SKAP1: variants seen among roughly 807,000 people sequenced by gnomAD.
The protein encoded by SKAP1 is src kinase associated phosphoprotein 1.
Under a neutral mutation model 58.5 loss-of-function variants are expected in SKAP1, and 44 were observed. The observed-to-expected ratio is 0.75, with a 90% CI of 0.59 to 0.97. The LOEUF is 0.97. Ranked by LOEUF, SKAP1 falls within the 50% of genes least tolerant of loss-of-function variation. The pLI is 0.00. For synonymous variants in SKAP1, 127 were observed against 149.7 expected, an observed-to-expected ratio of 0.85 and a Z score of 1.11; for missense variants, 390 against 435.2, an observed-to-expected ratio of 0.90 and a Z score of 0.92.
chr17:48,348,103 G>A (rs1674514226), intron 3 of SKAP1, among the ~76,000 whole-genome samples: 1 of 152,072 alleles, frequency 6.6e-6, no homozygotes, highest in Admixed American at 6.6e-5. Flanking sequence ...ACTTTGGGAG[G>A]CCAAGGCAGG....
intron 4 of SKAP1, among the ~76,000 whole-genome samples, chr17:48,288,813 G>A (rs1414603480): frequency 1.3e-5 from 2 of 152,174 alleles, no homozygotes; most frequent in Non-Finnish European, 2.9e-5. Context: ...CTGGGAAATA[G>A]CACAAAACAG....
chr17:48,157,944 G>A (rs1312284330), intron 11 of SKAP1, among the ~76,000 whole-genome samples: 7 of 151,166 alleles, frequency 4.6e-5, no homozygotes, highest in African/African-American at 7.3e-5. Flanking sequence ...TTAGGAGGCC[G>A]AGGTGGGTGG....
chr17:48,251,209 G>T (rs1030899868), intron 4 of SKAP1, among the ~76,000 whole-genome samples: 1 of 152,134 alleles, frequency 6.6e-6, no homozygotes, highest in African/African-American at 2.4e-5. Flanking sequence ...AAGTGAAAAC[G>T]GAATCTTCAC....
Position 48,401,031 on chromosome 17 carries a change from C to A in SKAP1, c.47-4246G>T, listed in dbSNP as rs1046199346. Among the ~76,000 whole-genome samples the A allele has an allele frequency of 2.0e-5, 3 of 152,076 alleles. No homozygotes were observed. The South Asian group carries it at 6.2e-4, about 31-fold the overall frequency. The stretch of plus-strand genomic sequence containing the variant: ...TTGAAAAAGAGAGACAATGGCCGGG[C>A]GTGTTGGCTCACACTCGTAATCCCA... On this transcript the variant is annotated intron_variant, in intron 1 of 12. Transcript: ENST00000336915.
intron 4 of SKAP1, among the ~76,000 whole-genome samples, chr17:48,238,173 T>C (rs1169043933): frequency 1.3e-5 from 2 of 152,052 alleles, no homozygotes; most frequent in Non-Finnish European, 2.9e-5. Flanking sequence ...TTTGTATTTT[T>C]AGTAGAGACA....
At chr17:48,312,748 A>G (rs1182232068) in intron 4 of SKAP1, among the ~76,000 whole-genome samples, 2 of 152,174 alleles carry the variant, frequency 1.3e-5, no homozygotes, top group Admixed American at 1.3e-4. Flanking sequence ...AGAGACCCCC[A>G]AACAACTTTC....
chr17:48,409,685 A>T (rs1428622717), intron 1 of SKAP1, among the ~76,000 whole-genome samples: 1 of 151,586 alleles, frequency 6.6e-6, no homozygotes, highest in Non-Finnish European at 1.5e-5. Context: ...AAAAAAAAAA[A>T]AGGAATGAAC....
intron 4 of SKAP1, among the ~76,000 whole-genome samples, chr17:48,263,560 CA>C (rs1236164334): frequency 6.6e-6 from 1 of 152,160 alleles, no homozygotes; most frequent in Non-Finnish European, 1.5e-5. Flanking sequence ...ATCTTCTATT[CA>C]GGGCAGACAC....
At chr17:48,238,853 C>T (rs928945169) in intron 4 of SKAP1, among the ~76,000 whole-genome samples, 10 of 151,948 alleles carry the variant, frequency 6.6e-5, no homozygotes, top group African/African-American at 2.4e-4. Flanking sequence ...AGTGAACTGG[C>T]GAAATGTTTG....
intron 7 of SKAP1, 46 bp downstream of exon 7, chr17:48,184,677 A>T: frequency 6.2e-7 from 1 of 1,613,232 alleles, no homozygotes; most frequent in Admixed American, 1.7e-5. Context: ...ATACAGAAGG[A>T]AACTGCAACA....
intron 4 of SKAP1, among the ~76,000 whole-genome samples, chr17:48,266,277 A>G (rs2065548275): frequency 6.6e-6 from 1 of 152,302 alleles, no homozygotes; most frequent in Non-Finnish European, 1.5e-5. Context: ...CATCCTGCAT[A>G]TTTCTAGTTC....
chr17:48,254,323 T>C (rs2065399357), intron 4 of SKAP1, among the ~76,000 whole-genome samples: 1 of 152,198 alleles, frequency 6.6e-6, no homozygotes, highest in Non-Finnish European at 1.5e-5. Context: ...AAAGCTAGAA[T>C]GGAATATGCA....
chr17:48,414,064 C>G (rs1449098829), intron 1 of SKAP1, among the ~76,000 whole-genome samples: 1 of 152,206 alleles, frequency 6.6e-6, no homozygotes, highest in African/African-American at 2.4e-5. Flanking sequence ...ATGCTTATCA[C>G]AGGCTAAGCA....
intron 4 of SKAP1, among the ~76,000 whole-genome samples, chr17:48,269,888 G>GTA (rs1184198254): frequency 5.9e-5 from 9 of 152,150 alleles, no homozygotes; most frequent in Admixed American, 5.9e-4. Context: ...GAGGTCGGGA[G>GTA]TATCACCTGA....
Position 48,396,761 on chromosome 17 carries a change from CCTT to C in SKAP1, c.68_70del (p.Glu23del), listed in dbSNP as rs779565173. The stretch of plus-strand genomic sequence containing the variant: ...AGCGCTGAGGTTCTCATTCCGCAAA[CCTT>C]CTGCCAGAAACTCTTCAGCATCTAA... On this transcript the variant is annotated inframe_deletion, in exon 2 of 13. Coordinates refer to ENST00000336915, the MANE Select transcript of SKAP1 (RefSeq NM_003726.4). The C allele has an allele frequency of 3.1e-6, 5 of 1,613,226 alleles. No individual in the cohort carries two copies. The African/African-American group carries it at 6.7e-5, about 22-fold the overall frequency.
chr17:48,367,506 ATGTATATGTGTG>A (rs1185983464), intron 2 of SKAP1, among the ~76,000 whole-genome samples: 5 of 107,354 alleles, frequency 4.7e-5, no homozygotes, highest in Non-Finnish European at 1.1e-4. Flanking sequence ...TCCTTTCACC[ATGTATATGTGTG>A]TGTATATGTA....
chr17:48,238,178 G>A (rs1420733702), intron 4 of SKAP1, among the ~76,000 whole-genome samples: 1 of 151,946 alleles, frequency 6.6e-6, no homozygotes, highest in Non-Finnish European at 1.5e-5. Flanking sequence ...ATTTTTAGTA[G>A]AGACATGGTT....
At chr17:48,244,222 C>A (rs923699610) in intron 4 of SKAP1, among the ~76,000 whole-genome samples, 2 of 152,142 alleles carry the variant, frequency 1.3e-5, no homozygotes, top group African/African-American at 2.4e-5. Flanking sequence ...TCCAATGAAG[C>A]CTTTTCTCCA....
At chr17:48,161,430 G>A (rs2064067378) in intron 11 of SKAP1, among the ~76,000 whole-genome samples, 1 of 152,190 alleles carries the variant, frequency 6.6e-6, no homozygotes, top group East Asian at 1.9e-4. Context: ...TAGGGACAGA[G>A]CCTATTATTT....
Sources: allele counts gnomAD v4.1 joint callset (sites outside exome capture counted in the v4.1 genomes callset), GRCh38; gene constraint gnomAD v4.1.1; transcripts MANE v1.5; gene names NCBI Gene and HGNC (gene_info 2026-07-23, HGNC 2026-07-21).